Variants in NOTCH2 observed in about 807,000 individuals in gnomAD.
NOTCH2 encodes neurogenic locus notch homolog protein 2.
Under a neutral mutation model 235.8 loss-of-function variants are expected in NOTCH2, and 29 were observed. That is an observed-to-expected ratio of 0.12 (90% confidence interval 0.09 to 0.17). The LOEUF is 0.17. Among genes scored for constraint, NOTCH2 ranks in the 10% least tolerant of loss-of-function variants. The pLI, the probability that NOTCH2 is intolerant of heterozygous loss-of-function variation, is 1.00. For synonymous variants in NOTCH2, 1,086 were observed against 1,141.5 expected (o/e 0.95, Z 0.98); for missense variants, 2,285 against 3,150.2 (o/e 0.73, Z 6.57).
chr1:119,925,564 G>T lies in NOTCH2; in HGVS notation c.4252C>A (p.Pro1418Thr). 1 of 1,614,142 alleles carries T rather than the reference G, an allele frequency of 6.2e-7. No individual in the cohort carries two copies. The highest frequency in any genetic ancestry group is 8.5e-7 in the Non-Finnish European group (1 of 1,180,022). The change falls in exon 25 of 34, where the codon CCC becomes ACC. Residue 1418 changes from proline to threonine, a missense_variant. Physicochemically the swap from Pro to Thr is conservative, Grantham distance 38. Around this residue, in one of 6 missense-constraint regions of NOTCH2, gnomAD observed 1,173 missense variants for 1,515.3 expected, o/e 0.77. Transcript: ENST00000256646. ...AGACAGGTGGCAGGAGGGGTGCTGG[G>T]GGGTGCCGTGTAGAGTTCACAGCGG... is the stretch of plus-strand genomic sequence containing the variant. ...GSRCELYTAP[P>T]STPPATCLSQ...
intron 5 of NOTCH2, among the ~76,000 whole-genome samples, chr1:119,970,542 C>G (rs147490288): frequency 6.0e-4 from 91 of 152,298 alleles, no homozygotes; most frequent in African/African-American, 2.0e-3. Flanking sequence ...CTGGTATGCA[C>G]TGCCTGAAAA....
In NOTCH2 at chr1:119,963,714, G is replaced by C. The variant is rs1651030166; in HGVS notation, c.1775C>G (p.Thr592Ser). 1 of 1,614,124 alleles carries C rather than the reference G, an allele frequency of 6.2e-7. No individual in the cohort carries two copies. The highest frequency in any genetic ancestry group is 1.1e-5 in the South Asian group (1 of 91,086). The change falls in exon 11 of 34, where the codon ACC becomes AGC. Residue 592 changes from threonine (T) to serine (S), a missense_variant. Thr to Ser is a moderately conservative substitution (Grantham distance 58, BLOSUM62 1). Transcript: ENST00000256646. ...CATGTACCCGGGATTGCAGATGCAG[G>C]TGTAGGAATCAATACCATCCTGACA... ...GQCQDGIDSY[T>S]CICNPGYMGA...
intron 3 of NOTCH2, among the ~76,000 whole-genome samples, chr1:120,002,445 C>T (rs1553205542): frequency 6.6e-6 from 1 of 151,588 alleles, no homozygotes; most frequent in African/African-American, 2.4e-5. Context: ...TGATTAAGGT[C>T]AATGGGCAAC....
chr1:120,038,887 T>C (rs1654425768), intron 1 of NOTCH2, among the ~76,000 whole-genome samples: 1 of 152,044 alleles, frequency 6.6e-6, no homozygotes, highest in African/African-American at 2.4e-5. Flanking sequence ...CACTCTCCAC[T>C]CTTAGCCTCC....
chr1:119,935,651 G>C, intron 21 of NOTCH2, 47 bp from the exon 22 acceptor site: 1 of 1,606,666 alleles, frequency 6.2e-7, no homozygotes, highest in East Asian at 2.2e-5. Context: ...ACCATTACTG[G>C]AAACAGACCA....
At position 119,953,665 on chromosome 1, in the gene NOTCH2, C is replaced by G; in HGVS notation, c.2243G>C (p.Gly748Ala). The G allele has an allele frequency of 6.2e-7, 1 of 1,614,110 alleles. No homozygotes were observed. The highest frequency in any genetic ancestry group is 1.1e-5 in the South Asian group (1 of 91,082). ...LSGYKCLCDA[G>A]WVGINCEVDK... ...CACTTCACAGTTGATGCCAACCCAG[C>G]CTGCATCACAGAGACACTTATATCT... Residue 748 changes from glycine (G) to alanine (A), a missense_variant, in exon 14 of 34, where the codon GGC (glycine) becomes GCC (alanine). Gly to Ala is a moderately conservative substitution (Grantham distance 60). Transcript: ENST00000256646.
intron 5 of NOTCH2, among the ~76,000 whole-genome samples, chr1:119,971,258 A>T (rs1651348424): frequency 1.3e-5 from 2 of 152,260 alleles, no homozygotes; most frequent in Admixed American, 1.3e-4. Context: ...CTAGGATGGC[A>T]GGATGGGTAT....
chr1:119,925,266 G>C lies in NOTCH2; in HGVS notation c.4511+39C>G, dbSNP rs1649436015. The C allele has an allele frequency of 2.5e-6, 4 of 1,611,278 alleles. No individual in the cohort carries two copies. The East Asian group carries it at 8.9e-5, about 36-fold the overall frequency. ...GAACGAGAAACTGAAGTGTGTTAGT[G>C]ACAGTCCCCTTCAGTTCTGGAAAAC... On this transcript the variant is annotated intron_variant, in intron 25 of 33. Coordinates refer to ENST00000256646, the MANE Select transcript of NOTCH2 (RefSeq NM_024408.4).
At chr1:119,918,013 G>A (rs1407276309) in intron 32 of NOTCH2, among the ~76,000 whole-genome samples, 2 of 152,070 alleles carry the variant, frequency 1.3e-5, no homozygotes, top group Non-Finnish European at 2.9e-5. Context: ...TCCCCTACAT[G>A]GCAGAATCTA....
intron 31 of NOTCH2, 103 bp from the exon 32 acceptor site, chr1:119,918,656 T>G (rs1366343982): frequency 6.9e-5 from 79 of 1,148,202 alleles, no homozygotes; most frequent in Non-Finnish European, 1.0e-4. Context: ...ACAGTGTAGA[T>G]TCCTGGAGGA....
chr1:119,955,713 T>A (rs962794388), intron 12 of NOTCH2, among the ~76,000 whole-genome samples: 1 of 152,220 alleles, frequency 6.6e-6, no homozygotes, highest in Admixed American at 6.5e-5. Flanking sequence ...AGTAACTTAA[T>A]TCAATAATTA....
chr1:120,027,869 T>G (rs1228570766), intron 2 of NOTCH2, among the ~76,000 whole-genome samples: 1 of 146,392 alleles, frequency 6.8e-6, no homozygotes, highest in Admixed American at 6.7e-5. Context: ...CTTTATCCAG[T>G]CTATCACCGT....
chr1:119,920,162 A>G (rs1022094179), intron 30 of NOTCH2, 67 bp downstream of exon 30: 8 of 1,585,026 alleles, frequency 5.0e-6, no homozygotes, highest in African/African-American at 4.0e-5. Context: ...GGGCAAACAC[A>G]GGGACAACAA....
rs201277950 is a variant in NOTCH2, at chr1:119,950,684, A to T, written c.2479+40T>A. 4.6e-6 allele frequency: 6 copies of T among 1,304,526 alleles called. No homozygotes were observed. In the East Asian group the frequency reaches 1.4e-4, roughly 30 times the overall value. The allele number at this position is 1,304,526 out of a possible 1,614,324, so 80.8% of individuals were successfully genotyped here. A position where few individuals can be genotyped will look rare whatever the true frequency, so the allele number is the denominator to read the frequency against. ...CTCAGGCACTGACAAAGCAAGGTCAAGTATCCCCTCTGGTCCCTGCTGGTA... is the reference window on the plus strand; with the variant it reads ...CTCAGGCACTGACAAAGCAAGGTCATGTATCCCCTCTGGTCCCTGCTGGTA... On this transcript the variant is annotated intron_variant, in intron 15 of 33. Coordinates refer to ENST00000256646, the MANE Select transcript of NOTCH2 (RefSeq NM_024408.4).
chr1:119,935,727 G>GT (rs1649826394), intron 21 of NOTCH2, 123 bp from the exon 22 acceptor site: 8 of 1,062,854 alleles, frequency 7.5e-6, no homozygotes, highest in Non-Finnish European at 1.1e-5. Context: ...GCTTTTGTAT[G>GT]TTTTCTCTGG....
intron 2 of NOTCH2, among the ~76,000 whole-genome samples, chr1:120,017,211 C>T (rs7532961): frequency 1.6e-5 from 2 of 122,924 alleles, no homozygotes; most frequent in Admixed American, 8.5e-5. Flanking sequence ...CGCCTTTCAG[C>T]TCCTAGAAAA....
intron 17 of NOTCH2, among the ~76,000 whole-genome samples, chr1:119,945,148 A>G (rs928275556): frequency 6.6e-6 from 1 of 152,158 alleles, no homozygotes; most frequent in East Asian, 1.9e-4. Context: ...TTGAAGGTAC[A>G]TTATAATAAG....
chr1:120,006,801 A>G (rs1652994687), intron 2 of NOTCH2, among the ~76,000 whole-genome samples: 1 of 152,094 alleles, frequency 6.6e-6, no homozygotes, highest in Admixed American at 6.6e-5. Flanking sequence ...TGATTTTCCT[A>G]ATCATTGTGA....
rs145077404 is a variant in NOTCH2, at chr1:119,916,591, C to T, written c.6131G>A (p.Arg2044His). 31 of 1,614,008 alleles carry T rather than the reference C, an allele frequency of 1.9e-5. No individual in the cohort carries two copies. Among genetic ancestry groups the T allele is most frequent in the East Asian group, 2.2e-5 (1 of 44,894 alleles). The change falls in exon 34 of 34, where the codon CGT becomes CAT. Residue 2044 changes from arginine to histidine, a missense_variant. Arg to His is a conservative substitution (Grantham distance 29). Coordinates refer to ENST00000256646, the MANE Select transcript of NOTCH2 (RefSeq NM_024408.4). ...ATCCCGAGCCACATCCCGGGGAAGA[C>T]GATCCATATGGTCTGTGATGTCTCG... The part of the protein sequence containing the change: ...ANRDITDHMD[R>H]LPRDVARDRM...
Sources: gnomAD v4.1 joint callset for allele counts (sites outside exome capture counted in the v4.1 genomes callset) on GRCh38, gnomAD v4.1.1 for gene constraint, gnomAD v4.1.1 regional missense constraint, MANE v1.5 for transcripts, NCBI Gene and HGNC (gene_info 2026-07-23, HGNC 2026-07-21) for gene names.